Variants in PBX3 observed in about 807,000 individuals in gnomAD.
PBX3 encodes PBX homeobox 3.
Under a neutral mutation model 48.5 loss-of-function variants are expected in PBX3, and 14 were observed. The observed-to-expected ratio is 0.29, with a 90% CI of 0.19 to 0.45. The LOEUF (loss-of-function observed/expected upper bound fraction) is 0.45. PBX3 is among the 20% of genes least tolerant of loss of function. The pLI, the probability that PBX3 is intolerant of heterozygous loss-of-function variation, is 1.00. For synonymous variants in PBX3, 210 were observed against 200.3 expected (o/e 1.05, Z -0.41); for missense variants, 386 against 546.7 (o/e 0.71, Z 2.93).
chr9:125,808,128 C>A (rs965531902), intron 2 of PBX3, among the ~76,000 whole-genome samples: 1 of 152,106 alleles, frequency 6.6e-6, no homozygotes, highest in East Asian at 1.9e-4. Flanking sequence ...TGGTAAAAAT[C>A]ACTACATACA....
chr9:125,966,449 G>A lies in PBX3; in HGVS notation c.*526G>A, dbSNP rs1842534944. 1 of 152,816 alleles carries A rather than the reference G, an allele frequency of 6.5e-6. No homozygotes were observed. Among genetic ancestry groups the A allele is most frequent in the South Asian group, 2.1e-4 (1 of 4,828 alleles). The allele number at this position is 152,816 out of a possible 1,614,324, so 9.5% of individuals were successfully genotyped here. On this transcript the variant is annotated 3_prime_UTR_variant, in exon 9 of 9. Coordinates refer to ENST00000373489, the MANE Select transcript of PBX3 (RefSeq NM_006195.6). Reference sequence around the variant, plus strand: ...TTTAAGAATCTTCCTCGTCACGTTTGTGTTCAGATCTCTTATGTTATAATT... The same window carrying A: ...TTTAAGAATCTTCCTCGTCACGTTTATGTTCAGATCTCTTATGTTATAATT...
At chr9:125,777,275 C>T (rs1032435392) in intron 2 of PBX3, among the ~76,000 whole-genome samples, 1 of 151,546 alleles carries the variant, frequency 6.6e-6, no homozygotes, top group African/African-American at 2.4e-5. Context: ...AGCCACCCAA[C>T]GTGCTAGGAT....
intron 2 of PBX3, among the ~76,000 whole-genome samples, chr9:125,780,036 C>T (rs1354471762): frequency 2.3e-4 from 32 of 141,688 alleles, no homozygotes; most frequent in African/African-American, 5.2e-5. Flanking sequence ...CCTCACCTCC[C>T]GGACGGGGCG....
rs117858303 is a variant in PBX3 at position 125,784,993 on chromosome 9, G to C, written c.274+36370G>C. Among the ~76,000 whole-genome samples, 1,299 of 152,224 alleles carry C rather than the reference G, an allele frequency of 8.5e-3. 6 individuals are homozygous for C. Among genetic ancestry groups the C allele is most frequent in the Middle Eastern group, 0.02 (6 of 294 alleles). On this transcript the variant is annotated intron_variant, in intron 2 of 8. Transcript: ENST00000373489. ...TTTCTCTAAGAAACATTCTCCCTTCGCTAGCCTTTTCTTTTAGGCTTTTGT... is the reference window on the plus strand; with the variant it reads ...TTTCTCTAAGAAACATTCTCCCTTCCCTAGCCTTTTCTTTTAGGCTTTTGT...
chr9:125,825,636 A>G (rs544954012), intron 2 of PBX3, among the ~76,000 whole-genome samples: 16 of 152,310 alleles, frequency 1.1e-4, no homozygotes, highest in African/African-American at 3.4e-4. Flanking sequence ...AAAACAGAAA[A>G]TGTGACATCT....
At chr9:125,899,429 A>G (rs1279844427) in intron 2 of PBX3, among the ~76,000 whole-genome samples, 1 of 124,348 alleles carries the variant, frequency 8.0e-6, no homozygotes, top group African/African-American at 3.1e-5. Flanking sequence ...ATGTATGTCT[A>G]TATATATGTG....
At chr9:125,772,916 A>G (rs1217256912) in intron 2 of PBX3, among the ~76,000 whole-genome samples, 1 of 152,216 alleles carries the variant, frequency 6.6e-6, no homozygotes, top group Non-Finnish European at 1.5e-5. Context: ...TTCTCCCCAG[A>G]AAAAAGAGTG....
At chr9:125,835,724 A>G (rs1370790172) in intron 2 of PBX3, among the ~76,000 whole-genome samples, 3 of 152,222 alleles carry the variant, frequency 2.0e-5, no homozygotes, top group Admixed American at 6.5e-5. Context: ...CATGCTGGCA[A>G]GGATGTAGAG....
chr9:125,748,403 A>T (rs1276278871), intron 1 of PBX3, 147 bp from the exon 2 acceptor site: 1 of 1,420,262 alleles, frequency 7.0e-7, no homozygotes, highest in Non-Finnish European at 9.3e-7. Context: ...GAACTAGTCA[A>T]CTGGAGTTTT....
intron 2 of PBX3, among the ~76,000 whole-genome samples, chr9:125,862,998 A>C (rs530003086): frequency 2.7e-4 from 41 of 151,844 alleles, no homozygotes; most frequent in Non-Finnish European, 2.9e-4. Flanking sequence ...CCTGGGCTTT[A>C]GTGATCCTCC....
At chr9:125,836,394 G>A (rs1399717169) in intron 2 of PBX3, among the ~76,000 whole-genome samples, 1 of 152,014 alleles carries the variant, frequency 6.6e-6, no homozygotes, top group Non-Finnish European at 1.5e-5. Context: ...GCAGTGAGCC[G>A]AGATTGCATC....
chr9:125,793,362 A>ATAT (rs1554855726), intron 2 of PBX3, among the ~76,000 whole-genome samples: 12 of 65,632 alleles, frequency 1.8e-4, no homozygotes, highest in African/African-American at 6.8e-4. Context: ...GGGGGGAAAA[A>ATAT]AAAAATATAT....
intron 2 of PBX3, among the ~76,000 whole-genome samples, chr9:125,862,751 G>A (rs922125644): frequency 2.0e-5 from 3 of 152,136 alleles, no homozygotes; most frequent in Non-Finnish European, 4.4e-5. Flanking sequence ...GGATGATATT[G>A]TATGGAAACA....
At chr9:125,847,241 A>G (rs1026609126) in intron 2 of PBX3, among the ~76,000 whole-genome samples, 2 of 151,926 alleles carry the variant, frequency 1.3e-5, no homozygotes, top group African/African-American at 4.8e-5. Flanking sequence ...GAAATATTCT[A>G]TTATTTCTTT....
At chr9:125,927,537 A>G (rs915901847) in intron 3 of PBX3, among the ~76,000 whole-genome samples, 2 of 152,234 alleles carry the variant, frequency 1.3e-5, no homozygotes, top group African/African-American at 4.8e-5. Context: ...ATAACTTCCA[A>G]ACATGTCTTG....
intron 8 of PBX3, among the ~76,000 whole-genome samples, chr9:125,963,501 A>G (rs1174000745): frequency 2.0e-5 from 3 of 152,258 alleles, no homozygotes; most frequent in Non-Finnish European, 1.5e-5. Flanking sequence ...AAACCAAGCT[A>G]AACAAATAAT....
intron 2 of PBX3, among the ~76,000 whole-genome samples, chr9:125,779,550 A>G (rs1027246446): frequency 3.1e-5 from 3 of 97,990 alleles, no homozygotes; most frequent in African/African-American, 4.5e-5. Flanking sequence ...GACACAGCAC[A>G]TGTTTCAGAG....
At chr9:125,833,893 A>G (rs953471617) in intron 2 of PBX3, among the ~76,000 whole-genome samples, 4 of 152,192 alleles carry the variant, frequency 2.6e-5, no homozygotes, top group African/African-American at 7.2e-5. Flanking sequence ...ATAGATAACT[A>G]TGTTTAACTT....
chr9:125,912,963 G>A (rs1263089360), intron 2 of PBX3, among the ~76,000 whole-genome samples: 1 of 151,744 alleles, frequency 6.6e-6, no homozygotes, highest in Non-Finnish European at 1.5e-5. Flanking sequence ...GGTAGGATGA[G>A]GAATAAAATG....
Sources: allele counts gnomAD v4.1 joint callset (sites outside exome capture counted in the v4.1 genomes callset), GRCh38; gene constraint gnomAD v4.1.1; transcripts MANE v1.5; gene names NCBI Gene and HGNC (gene_info 2026-07-23, HGNC 2026-07-21).